Variants in CTNNA2 observed in about 807,000 individuals in gnomAD.
CTNNA2 encodes catenin alpha 2.
Under a neutral mutation model 101.0 loss-of-function variants are expected in CTNNA2, and 42 were observed. The observed-to-expected ratio is 0.42, with a 90% confidence interval of 0.32 to 0.54. The LOEUF is 0.54. Ranked by LOEUF, CTNNA2 falls within the 20% of genes least tolerant of loss-of-function variation. The probability of loss-of-function intolerance (pLI) is 0.14; values close to 1 mark genes in which losing one functional copy is unlikely to be tolerated. For synonymous variants in CTNNA2, 450 were observed against 456.4 expected, an observed-to-expected ratio of 0.99 and a Z score of 0.18; for missense variants, 871 against 1,223.1, an observed-to-expected ratio of 0.71 and a Z score of 4.29.
intron 1 of CTNNA2, among the ~76,000 whole-genome samples, chr2:79,562,999 A>G (rs1316509978): frequency 6.6e-6 from 1 of 151,996 alleles, no homozygotes; most frequent in Non-Finnish European, 1.5e-5. Flanking sequence ...AAAATATGCA[A>G]ACAATATATG....
chr2:79,673,239 T>C (rs892318148), intron 2 of CTNNA2, among the ~76,000 whole-genome samples: 1 of 152,144 alleles, frequency 6.6e-6, no homozygotes, highest in Admixed American at 6.5e-5. Context: ...ATTGGTTGAC[T>C]TTATAGAGCA....
chr2:79,421,269 A>G (rs1487363233), intron 4 of CTNNA2, among the ~76,000 whole-genome samples: 4 of 152,252 alleles, frequency 2.6e-5, no homozygotes, highest in South Asian at 4.1e-4. Context: ...CAGGTGAAGA[A>G]TAAGTCCAAA....
intron 4 of CTNNA2, among the ~76,000 whole-genome samples, chr2:79,380,007 A>T (rs1248217113): frequency 1.3e-5 from 2 of 152,154 alleles, no homozygotes; most frequent in African/African-American, 4.8e-5. Context: ...CACATTCAAG[A>T]CAGTTCTGTT....
chr2:80,199,182 G>GAAAAAA (rs70940076), intron 7 of CTNNA2, among the ~76,000 whole-genome samples: 7 of 40,054 alleles, frequency 1.7e-4, no homozygotes, highest in Non-Finnish European at 2.3e-4. Context: ...CTCCATCTCA[G>GAAAAAA]AAAAAAAAAA....
chr2:79,601,803 G>T (rs919537), intron 1 of CTNNA2, among the ~76,000 whole-genome samples: 120,941 of 152,180 alleles, frequency 0.79, 48,398 homozygotes, highest in African/African-American at 0.87. Context: ...ACACTGTAAA[G>T]GTAGATAGAT....
At chr2:79,819,485 A>AGAAT (rs1479072383) in intron 3 of CTNNA2, among the ~76,000 whole-genome samples, 2 of 152,226 alleles carry the variant, frequency 1.3e-5, no homozygotes, top group African/African-American at 4.8e-5. Context: ...AGGCACTTGC[A>AGAAT]GAATGAATGA....
At chr2:80,499,295 G>A (rs1687694854) in intron 9 of CTNNA2, among the ~76,000 whole-genome samples, 1 of 152,124 alleles carries the variant, frequency 6.6e-6, no homozygotes, top group Non-Finnish European at 1.5e-5. Context: ...GTGCCCCCTG[G>A]TGATGTGCTG....
intron 8 of CTNNA2, among the ~76,000 whole-genome samples, chr2:80,398,440 T>C (rs541220537): frequency 3.9e-5 from 6 of 152,290 alleles, no homozygotes; most frequent in African/African-American, 1.2e-4. Flanking sequence ...TAATAATCCC[T>C]GGAGTTTGGA....
At chr2:80,323,268 G>C (rs1678895104) in intron 7 of CTNNA2, among the ~76,000 whole-genome samples, 1 of 152,174 alleles carries the variant, frequency 6.6e-6, no homozygotes, top group African/African-American at 2.4e-5. Context: ...ATGTAATAGG[G>C]CTCCGAACAG....
intron 6 of CTNNA2, among the ~76,000 whole-genome samples, chr2:79,885,618 G>C (rs13413038): frequency 6.6e-6 from 1 of 152,106 alleles, no homozygotes; most frequent in Non-Finnish European, 1.5e-5. Flanking sequence ...TATCTACTTC[G>C]ATATTTTATA....
intron 7 of CTNNA2, among the ~76,000 whole-genome samples, chr2:80,169,528 A>G (rs77826439): frequency 0.018 from 2,743 of 152,272 alleles, 88 homozygotes; most frequent in African/African-American, 0.062. Context: ...CAGTCCCCAT[A>G]TTGACTCTTT....
intron 7 of CTNNA2, among the ~76,000 whole-genome samples, chr2:80,258,671 G>A (rs17018914): frequency 0.073 from 11,052 of 152,226 alleles, 568 homozygotes; most frequent in South Asian, 0.29. Flanking sequence ...AACTGCTTCA[G>A]TGGAAGTATC....
At chr2:79,208,933 T>A (rs1056707405) in intron 2 of CTNNA2, among the ~76,000 whole-genome samples, 2 of 152,156 alleles carry the variant, frequency 1.3e-5, no homozygotes, top group Non-Finnish European at 2.9e-5. Flanking sequence ...AACACCCTCA[T>A]CAAAATATTT....
intron 8 of CTNNA2, among the ~76,000 whole-genome samples, chr2:80,400,038 T>C (rs1375055631): frequency 6.6e-6 from 1 of 152,190 alleles, no homozygotes; most frequent in Non-Finnish European, 1.5e-5. Flanking sequence ...GAAAACGAGA[T>C]AATTTTAGAG....
intron 5 of CTNNA2, among the ~76,000 whole-genome samples, chr2:79,871,100 C>T (rs1215576948): frequency 6.6e-6 from 1 of 152,154 alleles, no homozygotes; most frequent in African/African-American, 2.4e-5. Context: ...AATCCTTTCA[C>T]CCATCCTTTT....
chr2:80,367,887 C>T (rs1462781002), intron 7 of CTNNA2, among the ~76,000 whole-genome samples: 4 of 151,256 alleles, frequency 2.6e-5, no homozygotes, highest in East Asian at 1.9e-4. Flanking sequence ...CATTGAGATT[C>T]GTAGCAACTT....
At chr2:80,259,338 T>G (rs1231745806) in intron 7 of CTNNA2, among the ~76,000 whole-genome samples, 1 of 152,162 alleles carries the variant, frequency 6.6e-6, no homozygotes, top group African/African-American at 2.4e-5. Context: ...GAGACGGAAC[T>G]GCACAGAATA....
At chr2:80,328,443 G>A (rs1385490772) in intron 7 of CTNNA2, 1 of 467,924 alleles carries the variant, frequency 2.1e-6, no homozygotes, top group African/African-American at 2.0e-5. Context: ...CTGAGAGGAA[G>A]GACAGTGTAG....
intron 4 of CTNNA2, among the ~76,000 whole-genome samples, chr2:79,458,071 T>C (rs1382891100): frequency 1.3e-5 from 2 of 152,148 alleles, no homozygotes; most frequent in African/African-American, 2.4e-5. Context: ...ACTTAGTAGA[T>C]GTAGTTAAGC....
Sources: gnomAD v4.1 joint callset for allele counts (sites outside exome capture counted in the v4.1 genomes callset) on GRCh38, gnomAD v4.1.1 for gene constraint, MANE v1.5 for transcripts, NCBI Gene and HGNC (gene_info 2026-07-23, HGNC 2026-07-21) for gene names.